Variants in EOGT observed in about 807,000 individuals in gnomAD.
EOGT encodes the protein EGF domain specific O-linked N-acetylglucosamine transferase.
EOGT carries 55 observed loss-of-function variants against 70.5 expected under a neutral mutation model. That is an observed-to-expected ratio of 0.78 (90% CI 0.63 to 0.98). The LOEUF is 0.98. Among genes scored for constraint, EOGT ranks in the 50% least tolerant of loss-of-function variants. The pLI, the probability that EOGT is intolerant of heterozygous loss-of-function variation, is 0.00. For synonymous variants in EOGT, 246 were observed against 217.1 expected (o/e 1.13, Z -1.17); for missense variants, 703 against 641.9 (o/e 1.10, Z -1.03).
At chr3:69,010,856 CA>C (rs764354104) in intron 3 of EOGT, among the ~76,000 whole-genome samples, 7 of 152,150 alleles carry the variant, frequency 4.6e-5, no homozygotes, top group Non-Finnish European at 5.9e-5. Context: ...TGAGCACAGA[CA>C]ATGTTCCAGG....
chr3:68,978,296 A>T, intron 17 of EOGT, 37 bp downstream of exon 17: 1 of 1,482,746 alleles, frequency 6.7e-7, no homozygotes. Context: ...AAACCAATTA[A>T]AAATGAAGCA....
intron 10 of EOGT, among the ~76,000 whole-genome samples, chr3:68,995,936 G>T (rs191455056): frequency 1.3e-5 from 2 of 152,056 alleles, no homozygotes; most frequent in South Asian, 4.1e-4. Context: ...GTCCACGGGG[G>T]TCATAAGCAT....
intron 6 of EOGT, 40 bp from the exon 7 acceptor site, chr3:69,005,274 A>AAT: frequency 1.7e-6 from 2 of 1,184,276 alleles, no homozygotes; most frequent in Non-Finnish European, 2.5e-6. Context: ...TCTGAGTATT[A>AAT]ACACAGCAAA....
chr3:68,987,939 C>A (rs552868202), intron 13 of EOGT: 6 of 328,880 alleles, frequency 1.8e-5, no homozygotes, highest in Non-Finnish European at 2.8e-5. Context: ...TGTTTTGGGG[C>A]AGTCTTGCTC....
chr3:69,009,911 A>G (rs2091531121), intron 3 of EOGT, 51 bp from the exon 4 acceptor site: 1 of 913,054 alleles, frequency 1.1e-6, no homozygotes, highest in South Asian at 1.6e-5. Flanking sequence ...TTTAAAAGCC[A>G]AAACAACAAC....
At chr3:68,989,333 A>G (rs554327577) in intron 10 of EOGT, among the ~76,000 whole-genome samples, 1 of 152,334 alleles carries the variant, frequency 6.6e-6, no homozygotes, top group South Asian at 2.1e-4. Context: ...TCCAAATTAT[A>G]GATACACACA....
intron 16 of EOGT, among the ~76,000 whole-genome samples, chr3:68,978,859 T>C (rs986443963): frequency 1.3e-5 from 2 of 152,168 alleles, no homozygotes; most frequent in African/African-American, 4.8e-5. Context: ...TTCTCTCCCT[T>C]CTCTCTCCTT....
chr3:68,997,716 G>C (rs1474756048), intron 10 of EOGT, among the ~76,000 whole-genome samples: 1 of 152,142 alleles, frequency 6.6e-6, no homozygotes, highest in Non-Finnish European at 1.5e-5. Context: ...CTAAGCCAAA[G>C]TCACTGAATC....
At position 68,976,407 on chromosome 3, in the gene EOGT, A is replaced by C. The variant is rs1007413519; in HGVS notation, c.*1211T>G. 1 of 152,234 alleles carries C rather than the reference A, an allele frequency of 6.6e-6. No individual in the cohort carries two copies. The highest frequency in any genetic ancestry group is 1.5e-5 in the Non-Finnish European group (1 of 68,042). 9.4% of individuals were successfully genotyped at this position (152,234 alleles called of 1,614,324 possible). On this transcript the variant is annotated 3_prime_UTR_variant, in exon 18 of 18. Coordinates refer to ENST00000383701, the MANE Select transcript of EOGT (RefSeq NM_001278689.2). ...CAAATGCTCTCCATGGCTAAGAAGGAATCAGTGGAAACCAGACAGAAGGTA... is the reference window on the plus strand; with the variant it reads ...CAAATGCTCTCCATGGCTAAGAAGGCATCAGTGGAAACCAGACAGAAGGTA...
chr3:68,979,650 C>G lies in EOGT; in HGVS notation c.1334+18G>C. 1 of 1,611,778 alleles carries G rather than the reference C, an allele frequency of 6.2e-7. No homozygotes were observed. Among genetic ancestry groups the G allele is most frequent in the Non-Finnish European group, 8.5e-7 (1 of 1,179,052 alleles). On this transcript the variant is annotated intron_variant, in intron 16 of 17. Transcript: ENST00000383701. ...CATTATCAGTTGCTTCAGTGTAAAA[C>G]TGCCTCCCAACACTTACAGTTCAAA...
chr3:69,008,523 G>A lies in EOGT; in HGVS notation c.216C>T (p.His72=). The A allele has an allele frequency of 6.2e-7, 1 of 1,611,484 alleles. No homozygotes were observed. The part of the protein sequence containing the change: ...RKDSLCPYKK[H]LEKLKYCWGY... ...CCCAGCAGTACTTTAGCTTCTCTAG[G>A]TGTTTCTAGAACATAAAACTTACAT... Residue 72 remains histidine, a synonymous_variant, in exon 5 of 18, where the codon CAC becomes CAT. Coordinates refer to ENST00000383701, the MANE Select transcript of EOGT (RefSeq NM_001278689.2).
At chr3:68,993,754 G>C (rs2091064038) in intron 10 of EOGT, among the ~76,000 whole-genome samples, 1 of 152,148 alleles carries the variant, frequency 6.6e-6, no homozygotes. Flanking sequence ...TGGACTTACA[G>C]TTCCACATGG....
chr3:68,991,452 G>A (rs1315395609), intron 10 of EOGT, among the ~76,000 whole-genome samples: 1 of 152,158 alleles, frequency 6.6e-6, no homozygotes, highest in Non-Finnish European at 1.5e-5. Flanking sequence ...CACAGAACTG[G>A]AAACAAAACT....
At chr3:68,980,239 T>C in intron 15 of EOGT, among the ~76,000 whole-genome samples, 1 of 152,194 alleles carries the variant, frequency 6.6e-6, no homozygotes, top group East Asian at 1.9e-4. Context: ...TAGCACTAAA[T>C]TAAAAACTAT....
At chr3:69,007,848 T>A in intron 5 of EOGT, 27 bp from the exon 6 acceptor site, 1 of 1,521,798 alleles carries the variant, frequency 6.6e-7, no homozygotes, top group South Asian at 1.2e-5. Context: ...ATATTCTGTG[T>A]TTTTTTCTTT....
At chr3:68,987,652 A>G (rs899569492) in intron 13 of EOGT, 139 bp from the exon 14 acceptor site, 16 of 663,070 alleles carry the variant, frequency 2.4e-5, no homozygotes, top group South Asian at 9.5e-5. Context: ...TTTTAGCTTG[A>G]TTCCTTCACC....
At chr3:69,004,236 G>A (rs538736880) in intron 8 of EOGT, 142 bp downstream of exon 8, 30 of 624,328 alleles carry the variant, frequency 4.8e-5, no homozygotes, top group South Asian at 2.4e-4. Context: ...GGATTCACTC[G>A]GTTTCCGTCA....
chr3:68,979,814 G>A (rs1336488686), intron 15 of EOGT, 27 bp from the exon 16 acceptor site: 14 of 1,609,232 alleles, frequency 8.7e-6, no homozygotes, highest in Non-Finnish European at 1.1e-5. Flanking sequence ...TAACATGAGA[G>A]AGATGGGGAG....
At chr3:68,988,452 T>C (rs1008954132) in intron 12 of EOGT, 54 bp downstream of exon 12, 2 of 1,487,618 alleles carry the variant, frequency 1.3e-6, no homozygotes, top group Non-Finnish European at 1.8e-6. Context: ...TGTCAACTTA[T>C]GTATAAATGT....
Sources: gnomAD v4.1 joint callset for allele counts (sites outside exome capture counted in the v4.1 genomes callset) on GRCh38, gnomAD v4.1.1 for gene constraint, MANE v1.5 for transcripts, NCBI Gene and HGNC (gene_info 2026-07-23, HGNC 2026-07-21) for gene names.